The following CCDC88C variants were observed in gnomAD, a reference collection of about 807,000 sequenced individuals.
CCDC88C encodes the protein protein Daple.
Under a neutral mutation model 198.8 loss-of-function variants are expected in CCDC88C, and 131 were observed. That is an observed-to-expected ratio of 0.66 (90% CI 0.57 to 0.76). CCDC88C has a LOEUF of 0.76. Among genes scored for constraint, CCDC88C ranks in the 30% least tolerant of loss-of-function variants. The pLI is 0.00. For missense variants in CCDC88C, 2,553 were observed against 2,631.6 expected, an observed-to-expected ratio of 0.97 and a Z score of 0.65; for synonymous variants, 1,166 against 1,114.7, an observed-to-expected ratio of 1.05 and a Z score of -0.92.
chr14:91,406,255 T>G (rs1886478342), intron 3 of CCDC88C, among the ~76,000 whole-genome samples: 1 of 152,212 alleles, frequency 6.6e-6, no homozygotes, highest in Non-Finnish European at 1.5e-5. Flanking sequence ...CCTCCTGGAC[T>G]GGCAGGGCCA....
At chr14:91,276,585 A>G (rs1201987564) in intron 29 of CCDC88C, among the ~76,000 whole-genome samples, 1 of 152,258 alleles carries the variant, frequency 6.6e-6, no homozygotes, top group Non-Finnish European at 1.5e-5. Flanking sequence ...AATATCTACC[A>G]AACACACACT....
intron 2 of CCDC88C, among the ~76,000 whole-genome samples, chr14:91,411,614 C>G (rs891000307): frequency 1.3e-5 from 2 of 152,026 alleles, no homozygotes; most frequent in African/African-American, 4.8e-5. Context: ...CCAAGAGTTC[C>G]AAGTCTAAAG....
At chr14:91,361,935 C>T (rs1477067598) in intron 3 of CCDC88C, among the ~76,000 whole-genome samples, 1 of 152,148 alleles carries the variant, frequency 6.6e-6, no homozygotes, top group Non-Finnish European at 1.5e-5. Context: ...CCCTCCCAGC[C>T]TCAAAACTAC....
chr14:91,312,025 T>TA, intron 15 of CCDC88C, among the ~76,000 whole-genome samples: 1 of 151,648 alleles, frequency 6.6e-6, no homozygotes, highest in East Asian at 1.9e-4. Context: ...TAAAAAATAA[T>TA]AAAAATAAAA....
rs1933860906 is a variant in CCDC88C, at chr14:91,352,831, G to A, written c.340+6811C>T. Reference sequence around the variant, plus strand: ...GGGGCAGGACTGGGAGGGCCGCAGGGCCAGGAAGACAGGGCTTTTGATTTT... The same window carrying A: ...GGGGCAGGACTGGGAGGGCCGCAGGACCAGGAAGACAGGGCTTTTGATTTT... On this transcript the variant is annotated intron_variant, in intron 4 of 29. Coordinates refer to ENST00000389857, the MANE Select transcript of CCDC88C (RefSeq NM_001080414.4). This position sits in a 1 kb window ranked among gnomAD's most constrained non-coding sequence, Gnocchi z 4.2. Among the ~76,000 whole-genome samples, 1 of 152,224 alleles carries A rather than the reference G, an allele frequency of 6.6e-6. No individual in the cohort carries two copies. Among genetic ancestry groups the A allele is most frequent in the African/African-American group, 2.4e-5 (1 of 41,464 alleles).
At chr14:91,320,042 A>G (rs1279291284) in intron 13 of CCDC88C, among the ~76,000 whole-genome samples, 1 of 151,422 alleles carries the variant, frequency 6.6e-6, no homozygotes, top group Non-Finnish European at 1.5e-5. Context: ...AAAAAAAAAA[A>G]AAAAAAAAAA....
Position 91,417,812 on chromosome 14 carries a change from G to A in CCDC88C, c.-122C>T. 1 of 486,024 alleles carries A rather than the reference G, an allele frequency of 2.1e-6. No individual in the cohort carries two copies. Among genetic ancestry groups the A allele is most frequent in the East Asian group, 7.2e-5 (1 of 13,928 alleles). 30.1% of individuals were successfully genotyped at this position (486,024 alleles called of 1,614,324 possible). On this transcript the variant is annotated 5_prime_UTR_variant, in exon 1 of 30. Transcript: ENST00000389857. ...GGGCTGCGGCGGCTCGCGCCCGGGA[G>A]ACAAAGGCGGGGCGCGCGAGCCCAC...
intron 20 of CCDC88C, 23 bp downstream of exon 20, chr14:91,303,678 C>A: frequency 6.5e-7 from 1 of 1,542,634 alleles, no homozygotes; most frequent in Non-Finnish European, 8.8e-7. Flanking sequence ...CTCCCCAGAT[C>A]CCCTTCCTTC....
intron 13 of CCDC88C, among the ~76,000 whole-genome samples, chr14:91,318,254 C>CAA (rs1165763602): frequency 9.0e-5 from 13 of 144,886 alleles, no homozygotes; most frequent in African/African-American, 3.3e-4. Flanking sequence ...ACCCCAGTTC[C>CAA]AAAAAAAAAA....
Position 91,342,427 on chromosome 14 carries a change from G to T in CCDC88C, c.436C>A (p.Gln146Lys). The change falls in exon 6 of 30, where the codon CAG becomes AAG. Residue 146 changes from glutamine (Q) to lysine (K), a missense_variant. Transcript: ENST00000389857. Reference protein sequence around the residue: ...RKEEFIERIKQLDIETQAGIV... With the variant: ...RKEEFIERIKKLDIETQAGIV... ...CCAGCCTGGGTCTCAATGTCCAGCT[G>T]TTTGATTCTTTCAATGAACTCCTCT... 6.3e-7 allele frequency: 1 copy of T among 1,599,000 alleles called. No homozygotes were observed. Among genetic ancestry groups the T allele is most frequent in the Non-Finnish European group, 8.5e-7 (1 of 1,172,728 alleles).
intron 3 of CCDC88C, among the ~76,000 whole-genome samples, chr14:91,389,941 G>A (rs1449909492): frequency 9.9e-5 from 15 of 151,944 alleles, no homozygotes; most frequent in African/African-American, 2.7e-4. Context: ...GCGTGGTGGC[G>A]GGCGCCTGTA....
At chr14:91,359,748 C>T (rs1210974525) in intron 3 of CCDC88C, 37 bp from the exon 4 acceptor site, 2 of 1,563,756 alleles carry the variant, frequency 1.3e-6, no homozygotes, top group Admixed American at 3.6e-5. Context: ...CCATTAAGAA[C>T]CGGAAACAAA....
At chr14:91,365,473 G>A (rs1894491997) in intron 3 of CCDC88C, among the ~76,000 whole-genome samples, 5 of 152,214 alleles carry the variant, frequency 3.3e-5, no homozygotes, top group Non-Finnish European at 7.3e-5. Flanking sequence ...CCATTAAACT[G>A]TTAGGGGGAC....
intron 20 of CCDC88C, among the ~76,000 whole-genome samples, chr14:91,303,221 C>T (rs1340920142): frequency 6.6e-6 from 1 of 151,924 alleles, no homozygotes; most frequent in Non-Finnish European, 1.5e-5. Context: ...CCTTCACCTC[C>T]CCTCCCCACA....
rs545112562 is a variant in CCDC88C, at chr14:91,279,441, C to A, written c.4700-135G>T. On this transcript the variant is annotated intron_variant, in intron 27 of 29. Transcript: ENST00000389857. ...CCAACGCCCTCAGGAAGGAGGAGCTCTGGGACTCCCTCTGCGCTCCAGTGA... is the reference window on the plus strand; with the variant it reads ...CCAACGCCCTCAGGAAGGAGGAGCTATGGGACTCCCTCTGCGCTCCAGTGA... 1.8e-4 allele frequency: 120 copies of A among 667,442 alleles called. No individual in the cohort carries two copies. The South Asian group carries it at 2.3e-3, about 13-fold the overall frequency. The allele number at this position is 667,442 out of a possible 1,614,324, so 41.3% of individuals were successfully genotyped here.
intron 2 of CCDC88C, among the ~76,000 whole-genome samples, chr14:91,414,617 G>A (rs1175145162): frequency 6.6e-6 from 1 of 152,078 alleles, no homozygotes; most frequent in Non-Finnish European, 1.5e-5. Flanking sequence ...ACCTGGAACT[G>A]GGTGATTCTG....
intron 13 of CCDC88C, among the ~76,000 whole-genome samples, chr14:91,318,571 C>T (rs1260482883): frequency 6.6e-6 from 1 of 152,170 alleles, no homozygotes; most frequent in Non-Finnish European, 1.5e-5. Flanking sequence ...TGAGGAGCCT[C>T]GTAGAAGTCC....
At chr14:91,345,060 T>C (rs1596094110) in intron 4 of CCDC88C, among the ~76,000 whole-genome samples, 1 of 148,944 alleles carries the variant, frequency 6.7e-6, no homozygotes, top group East Asian at 2.0e-4. Context: ...TTCCAAAGTG[T>C]TGGGATCACA....
chr14:91,329,538 T>C (rs1056443067), intron 10 of CCDC88C, among the ~76,000 whole-genome samples: 2 of 152,228 alleles, frequency 1.3e-5, no homozygotes, highest in African/African-American at 4.8e-5. Flanking sequence ...TATTTCTTCC[T>C]TCCTGTGAAG....
Sources: gnomAD v4.1 joint callset for allele counts (sites outside exome capture counted in the v4.1 genomes callset) on GRCh38, gnomAD v4.1.1 for gene constraint, Gnocchi (gnomAD v3.1) non-coding constraint, MANE v1.5 for transcripts, NCBI Gene and HGNC (gene_info 2026-07-23, HGNC 2026-07-21) for gene names.